The following KALRN variants were observed in gnomAD, a reference collection of about 807,000 sequenced individuals.
KALRN encodes the protein kalirin.
KALRN carries 70 observed loss-of-function variants against 353.7 expected under a neutral mutation model. The observed-to-expected ratio is 0.20, with a 90% CI of 0.16 to 0.24. The LOEUF is 0.24. Among genes scored for constraint, KALRN ranks in the 10% least tolerant of loss-of-function variants. The probability of loss-of-function intolerance (pLI) is 1.00; values close to 1 mark genes in which losing one functional copy is unlikely to be tolerated. For synonymous variants in KALRN, 1,391 were observed against 1,434.8 expected (o/e 0.97, Z 0.69); for missense variants, 2,791 against 3,756.7 (o/e 0.74, Z 6.72).
chr3:124,324,387 A>G (rs148486956), intron 6 of KALRN, among the ~76,000 whole-genome samples: 127 of 152,318 alleles, frequency 8.3e-4, no homozygotes, highest in African/African-American at 2.9e-3. Flanking sequence ...TCTATTTCTA[A>G]GTGCAGAGTG....
At chr3:124,528,033 A>G (rs1160714012) in intron 33 of KALRN, among the ~76,000 whole-genome samples, 1 of 152,204 alleles carries the variant, frequency 6.6e-6, no homozygotes, top group African/African-American at 2.4e-5. Flanking sequence ...GATTCTGAAT[A>G]GTGTGACAGG....
At chr3:124,360,085 C>T (rs1489090815) in intron 10 of KALRN, among the ~76,000 whole-genome samples, 2 of 152,238 alleles carry the variant, frequency 1.3e-5, no homozygotes, top group African/African-American at 4.8e-5. Context: ...GCTGGGCATC[C>T]AGGAGCCAGT....
At chr3:124,666,041 C>G (rs2085566871) in intron 45 of KALRN, among the ~76,000 whole-genome samples, 1 of 152,162 alleles carries the variant, frequency 6.6e-6, no homozygotes, top group Non-Finnish European at 1.5e-5. Flanking sequence ...GCAAAGGAAC[C>G]AGGCAGGCAC....
chr3:124,481,297 T>C lies in KALRN; in HGVS notation c.4192-1511T>C, dbSNP rs948239884. On this transcript the variant is annotated intron_variant, in intron 27 of 59. Transcript: ENST00000682506. ...TCATAGCTCACTGCAGCCTTGACCT[T>C]CTGGGCTCAAGTAATCCTCCCACCT... Among the ~76,000 whole-genome samples, 2 of 152,226 alleles carry C rather than the reference T, an allele frequency of 1.3e-5. 1 individual carries two copies. Among genetic ancestry groups the C allele is most frequent in the Admixed American group, 1.3e-4 (2 of 15,286 alleles).
intron 1 of KALRN, chr3:124,163,230 G>C (rs532395563): frequency 6.6e-6 from 1 of 152,334 alleles, no homozygotes; most frequent in East Asian, 1.9e-4. Context: ...AGCCTGGAGA[G>C]TGAGTATGTT....
chr3:124,381,260 G>T (rs1415764996), intron 10 of KALRN, among the ~76,000 whole-genome samples: 4 of 152,200 alleles, frequency 2.6e-5, no homozygotes. Context: ...GGCTGAAGAA[G>T]AATATGTGCA....
chr3:124,211,867 G>A (rs1294835741), intron 1 of KALRN, among the ~76,000 whole-genome samples: 2 of 152,122 alleles, frequency 1.3e-5, no homozygotes, highest in Non-Finnish European at 2.9e-5. Context: ...GGCCATCTCT[G>A]GGGATAGAAA....
chr3:124,384,704 C>T (rs2087931734), intron 10 of KALRN, 141 bp from the exon 11 acceptor site: 5 of 756,672 alleles, frequency 6.6e-6, no homozygotes, highest in East Asian at 2.9e-5. Flanking sequence ...GTGCCAGCTC[C>T]GCGCACCGCG....
intron 13 of KALRN, among the ~76,000 whole-genome samples, chr3:124,405,194 T>A (rs916044244): frequency 2.0e-5 from 3 of 152,230 alleles, no homozygotes; most frequent in African/African-American, 7.2e-5. Flanking sequence ...CGTCCTTTTT[T>A]AAAAAAATCA....
At chr3:124,351,851 A>G (rs1395205560) in intron 10 of KALRN, among the ~76,000 whole-genome samples, 1 of 152,234 alleles carries the variant, frequency 6.6e-6, no homozygotes, top group African/African-American at 2.4e-5. Context: ...TGAATTAAAT[A>G]TTTGAGTCCT....
In KALRN at chr3:124,337,375, G is replaced by A. The variant is rs550012427; in HGVS notation, c.1647+2880G>A. 1.8e-3 allele frequency among the ~76,000 whole-genome samples: 272 copies of A among 152,168 alleles called. 2 individuals are homozygous for A. Among genetic ancestry groups the A allele is most frequent in the Non-Finnish European group, 7.6e-4 (52 of 68,008 alleles). Reference sequence around the variant, plus strand: ...TGAAGGGGTGTTGAATTTTATCAAAGGCCTTTTCTGCCTCTATTGAGATAT... The same window carrying A: ...TGAAGGGGTGTTGAATTTTATCAAAAGCCTTTTCTGCCTCTATTGAGATAT... On this transcript the variant is annotated intron_variant, in intron 9 of 59. Transcript: ENST00000682506.
chr3:124,126,477 T>G (rs6789193), intron 1 of KALRN, among the ~76,000 whole-genome samples: 14,333 of 152,192 alleles, frequency 0.094, 2,236 homozygotes, highest in African/African-American at 0.32. Context: ...CGGAGGTTTG[T>G]GTGTGGTCTC....
rs186628558 is a variant in KALRN at position 124,094,947 on chromosome 3, A to G, written c.73+61134A>G. 4 of 1,539,796 alleles carry G rather than the reference A, an allele frequency of 2.6e-6. No homozygotes were observed. The African/African-American group carries it at 4.1e-5, about 16-fold the overall frequency. ...ATGCTTGTATGAGAGACTGAGAGAG[A>G]TAAATACACATAGAGACATAAAGAG... On this transcript the variant is annotated intron_variant, in intron 1 of 59. Transcript: ENST00000682506.
At chr3:124,354,378 A>G (rs1323445869) in intron 10 of KALRN, among the ~76,000 whole-genome samples, 1 of 152,216 alleles carries the variant, frequency 6.6e-6, no homozygotes, top group African/African-American at 2.4e-5. Context: ...TGTGTTCTAC[A>G]GAGCCAGGAT....
intron 1 of KALRN, among the ~76,000 whole-genome samples, chr3:124,061,768 G>A (rs754366927): frequency 3.9e-5 from 6 of 152,134 alleles, no homozygotes; most frequent in Admixed American, 2.0e-4. Context: ...TGTTTTAGGC[G>A]CCATCTCTGC....
chr3:124,164,446 T>A (rs978380412), intron 1 of KALRN: 1 of 152,230 alleles, frequency 6.6e-6, no homozygotes, highest in African/African-American at 2.4e-5. Flanking sequence ...CTCTTCTGTG[T>A]CTGTTGCTTC....
At chr3:124,469,958 A>G (rs1239351003) in intron 25 of KALRN, among the ~76,000 whole-genome samples, 1 of 152,210 alleles carries the variant, frequency 6.6e-6, no homozygotes, top group Non-Finnish European at 1.5e-5. Context: ...AGTACCTTTG[A>G]AATAGTGCTG....
In KALRN at chr3:124,227,985, C is replaced by G. The variant is rs762264522; in HGVS notation, c.74-5C>G. The G allele has an allele frequency of 5.0e-6, 8 of 1,613,364 alleles. No homozygotes were observed. Among genetic ancestry groups the G allele is most frequent in the Non-Finnish European group, 5.9e-6 (7 of 1,179,438 alleles). On this transcript the variant is annotated splice_region_variant and splice_polypyrimidine_tract_variant and intron_variant, in intron 1 of 59. Transcript: ENST00000682506. ...CCTGATTCCTTCTGGTTTGTTGTCC[C>G]ACAGGGTCTTTTCGGAATGATGGTT...
At chr3:124,286,114 TCTTTCTTTCTTTCTTTCTTTCTTTC>T (rs1322906147) in intron 5 of KALRN, among the ~76,000 whole-genome samples, 168 of 149,114 alleles carry the variant, frequency 1.1e-3, no homozygotes, top group African/African-American at 4.0e-3. Flanking sequence ...TTTCTTTCTT[TCTTTCTTTCTTTCTTTCTTTCTTTC>T]CTTTCTTTCT....
Sources: allele counts gnomAD v4.1 joint callset (sites outside exome capture counted in the v4.1 genomes callset), GRCh38; gene constraint gnomAD v4.1.1; transcripts MANE v1.5; gene names NCBI Gene and HGNC (gene_info 2026-07-23, HGNC 2026-07-21).